Variants in ANTXR1 observed in about 807,000 individuals in gnomAD.
ANTXR1 encodes ANTXR cell adhesion molecule 1.
In ANTXR1, 19 loss-of-function variants were observed where a neutral mutation model predicts 78.1. The ratio of observed to expected loss-of-function variants is 0.24; its 90% CI spans 0.17 to 0.36. The LOEUF (loss-of-function observed/expected upper bound fraction) is 0.36. Ranked by LOEUF, ANTXR1 falls within the 10% of genes least tolerant of loss-of-function variation. ANTXR1 has a pLI of 1.00. For missense variants in ANTXR1, 518 were observed against 718.6 expected, an observed-to-expected ratio of 0.72 and a Z score of 3.19; for synonymous variants, 273 against 260.5, an observed-to-expected ratio of 1.05 and a Z score of -0.46.
At chr2:69,130,801 C>T (rs1031352116) in intron 12 of ANTXR1, among the ~76,000 whole-genome samples, 1 of 152,172 alleles carries the variant, frequency 6.6e-6, no homozygotes, top group South Asian at 2.1e-4. Context: ...GATTAAGAAG[C>T]ATGCTCCTTT....
chr2:69,170,360 C>G, intron 14 of ANTXR1, 71 bp downstream of exon 14: 2 of 1,565,140 alleles, frequency 1.3e-6, no homozygotes, highest in East Asian at 2.2e-5. Flanking sequence ...GGCTGGGCAG[C>G]TGGACACTTA....
rs1161129836 is a variant in ANTXR1, at chr2:69,075,520, T to G, written c.493-70T>G. ...TTAAATACCTCATCATTGAAGTTAG[T>G]CAGGTAGCTCCAAGAGGAGTTCATT... On this transcript the variant is annotated intron_variant, in intron 6 of 17. Coordinates refer to ENST00000303714, the MANE Select transcript of ANTXR1 (RefSeq NM_032208.3). The G allele has an allele frequency of 1.1e-5, 16 of 1,441,706 alleles. No homozygotes were observed. The South Asian group carries it at 1.6e-4, about 14-fold the overall frequency. 89.3% of individuals were successfully genotyped at this position (1,441,706 alleles called of 1,614,324 possible). A position where few individuals can be genotyped will look rare whatever the true frequency, so the allele number is the denominator to read the frequency against.
chr2:69,207,357 GTTCCC>G (rs1674930314), intron 17 of ANTXR1, among the ~76,000 whole-genome samples: 1 of 152,158 alleles, frequency 6.6e-6, no homozygotes, highest in African/African-American at 2.4e-5. Flanking sequence ...GGCACAAACT[GTTCCC>G]CCATGAAAAA....
chr2:69,154,527 G>C (rs1048436987), intron 13 of ANTXR1, among the ~76,000 whole-genome samples: 9 of 152,062 alleles, frequency 5.9e-5, no homozygotes, highest in African/African-American at 2.2e-4. Flanking sequence ...TTCATTCAGA[G>C]GACACAGGGA....
intron 12 of ANTXR1, among the ~76,000 whole-genome samples, chr2:69,147,358 A>G (rs1673258344): frequency 6.6e-6 from 1 of 152,238 alleles, no homozygotes; most frequent in East Asian, 1.9e-4. Flanking sequence ...AGGTAACTAG[A>G]GCCTTTCTCA....
At position 69,247,326 on chromosome 2, in the gene ANTXR1, A is replaced by G. The variant is rs1676044980; in HGVS notation, c.*1841A>G. ...GCATAAAAGGTACAGTCAGGGGAAA[A>G]TAGATCTAGGCAGAGTGCCTTAGTC... On this transcript the variant is annotated 3_prime_UTR_variant, in exon 18 of 18. Transcript: ENST00000303714. 1 of 152,588 alleles carries G rather than the reference A, an allele frequency of 6.6e-6. No homozygotes were observed. The highest frequency in any genetic ancestry group is 2.4e-5 in the African/African-American group (1 of 41,436). 9.5% of individuals were successfully genotyped at this position (152,588 alleles called of 1,614,324 possible). A position where few individuals can be genotyped will look rare whatever the true frequency, so the allele number is the denominator to read the frequency against.
chr2:69,144,170 A>G (rs1673152066), intron 12 of ANTXR1, among the ~76,000 whole-genome samples: 1 of 152,188 alleles, frequency 6.6e-6, no homozygotes, highest in Non-Finnish European at 1.5e-5. Context: ...GATGCCTCCA[A>G]GGCGCCAGTC....
intron 17 of ANTXR1, among the ~76,000 whole-genome samples, chr2:69,243,055 G>T (rs1675929377): frequency 6.6e-6 from 1 of 152,204 alleles, no homozygotes; most frequent in Non-Finnish European, 1.5e-5. Flanking sequence ...TGAAATGCAA[G>T]CTCAGAGAAA....
rs115523842 is a variant in ANTXR1, at chr2:69,077,146, G to A, written c.562-262G>A. On this transcript the variant is annotated intron_variant, in intron 7 of 17. Transcript: ENST00000303714. ...AGGCCAAGCGTTCATCAAGCTGGGC[G>A]CTCTTACCTCTGCTCCCGAGGAGAA... The A allele has an allele frequency of 4.3e-3, 2,305 of 540,106 alleles. 46 individuals carry two copies. The highest frequency in any genetic ancestry group is 0.039 in the African/African-American group (2,065 of 52,712). The allele number at this position is 540,106 out of a possible 1,614,324, so 33.5% of individuals were successfully genotyped here.
At chr2:69,094,003 A>G (rs1671319085) in intron 9 of ANTXR1, among the ~76,000 whole-genome samples, 2 of 152,254 alleles carry the variant, frequency 1.3e-5, no homozygotes, top group Admixed American at 1.3e-4. Context: ...TTCTAAGAAG[A>G]GAATGAAACT....
chr2:69,201,377 G>A (rs1674768669), intron 17 of ANTXR1, among the ~76,000 whole-genome samples: 1 of 152,206 alleles, frequency 6.6e-6, no homozygotes, highest in African/African-American at 2.4e-5. Flanking sequence ...GGGTACAGAG[G>A]AGGACAGAGT....
chr2:69,117,016 T>C (rs1003295061), intron 10 of ANTXR1, among the ~76,000 whole-genome samples: 4 of 152,232 alleles, frequency 2.6e-5, no homozygotes, highest in African/African-American at 9.6e-5. Context: ...CCTGTAAATA[T>C]ACACTTATGA....
chr2:69,143,517 C>T (rs1673130162), intron 12 of ANTXR1, among the ~76,000 whole-genome samples: 1 of 152,094 alleles, frequency 6.6e-6, no homozygotes, highest in African/African-American at 2.4e-5. Flanking sequence ...GTCCTGAATA[C>T]AACCCTGAAG....
intron 17 of ANTXR1, among the ~76,000 whole-genome samples, chr2:69,235,313 G>A (rs1179704905): frequency 2.0e-5 from 3 of 151,646 alleles, no homozygotes; most frequent in East Asian, 3.9e-4. Flanking sequence ...ATGAGCCACC[G>A]TGCCCAGCCC....
chr2:69,237,168 A>G (rs1675785423), intron 17 of ANTXR1, among the ~76,000 whole-genome samples: 1 of 152,142 alleles, frequency 6.6e-6, no homozygotes, highest in African/African-American at 2.4e-5. Context: ...CGTGTTACCA[A>G]ATATTTCCTG....
chr2:69,033,774 G>A (rs1248520191), intron 1 of ANTXR1, among the ~76,000 whole-genome samples: 2 of 152,198 alleles, frequency 1.3e-5, no homozygotes, highest in Non-Finnish European at 2.9e-5. Flanking sequence ...CTTGGTGATG[G>A]TTCCAACTGC....
At chr2:69,065,506 A>G (rs114186355) in intron 3 of ANTXR1, among the ~76,000 whole-genome samples, 109 of 152,194 alleles carry the variant, frequency 7.2e-4, no homozygotes, top group Non-Finnish European at 1.4e-3. Context: ...GAATATTACT[A>G]CAGATCCTAC....
chr2:69,096,282 A>AAGGAAGGAAGGAAGGAAGGGAGGAAGGG (rs1553362854), intron 9 of ANTXR1, among the ~76,000 whole-genome samples: 8 of 34,610 alleles, frequency 2.3e-4, no homozygotes, highest in Middle Eastern at 0.012. Flanking sequence ...GGAAGGAAGG[A>AAGGAAGGAAGGAAGGAAGGGAGGAAGGG]AGGAAGGGAG....
intron 12 of ANTXR1, among the ~76,000 whole-genome samples, chr2:69,130,823 G>A (rs894158680): frequency 6.6e-6 from 1 of 152,100 alleles, no homozygotes; most frequent in Non-Finnish European, 1.5e-5. Flanking sequence ...GAGTCTCTAC[G>A]ATAAGACTGT....
Sources: allele counts gnomAD v4.1 joint callset (sites outside exome capture counted in the v4.1 genomes callset), GRCh38; gene constraint gnomAD v4.1.1; transcripts MANE v1.5; gene names NCBI Gene and HGNC (gene_info 2026-07-23, HGNC 2026-07-21).